GAB3: variants seen among roughly 807,000 people sequenced by gnomAD.
The protein encoded by GAB3 is GRB2-associated-binding protein 3.
A neutral mutation model predicts 40.4 loss-of-function variants in GAB3; 12 were observed. That is an observed-to-expected ratio of 0.30 (90% CI 0.19 to 0.48). The LOEUF is 0.48. GAB3 is among the 20% of genes least tolerant of loss of function. The pLI is 0.99. For synonymous variants in GAB3, 154 were observed against 176.7 expected (o/e 0.87, Z 1.02); for missense variants, 381 against 461.9 (o/e 0.82, Z 1.61).
rs1167193341 is a variant in GAB3, at chrX:154,751,056, G to A, written c.-31C>T. The A allele has an allele frequency of 1.0e-5, 8 of 781,819 alleles. No homozygotes were observed. The highest frequency in any genetic ancestry group is 1.2e-5 in the Non-Finnish European group (8 of 656,576). The allele number at this position is 781,819 out of a possible 1,213,427, so 64.4% of individuals were successfully genotyped here. The stretch of plus-strand genomic sequence containing the variant: ...CCGCCGCCGCCGCTTCCTCCAGCTG[G>A]GCCAGCCGCCCGCGGCAGAAGGAAG... On this transcript the variant is annotated 5_prime_UTR_variant, in exon 1 of 10. Coordinates refer to ENST00000424127, the MANE Select transcript of GAB3 (RefSeq NM_001081573.3).
intron 6 of GAB3, among the ~76,000 whole-genome samples, chrX:154,697,974 G>A (rs1224703975): frequency 2.7e-5 from 3 of 112,018 alleles, no homozygotes; most frequent in Non-Finnish European, 5.6e-5. Flanking sequence ...CTCCAACCCT[G>A]AGTCTGTCAG....
intron 1 of GAB3, among the ~76,000 whole-genome samples, chrX:154,742,149 G>T (rs1030297420): frequency 1.8e-5 from 2 of 111,884 alleles, no homozygotes; most frequent in African/African-American, 6.5e-5. Context: ...TAAATAACCC[G>T]CAGGTCACAG....
Position 154,723,607 on chromosome X carries a change from G to C in GAB3, c.73-7278C>G, listed in dbSNP as rs782644641. ...GGAAACATAAAATTGCAGGCTTGCT[G>C]GCTTCAAGTAGCTGCACTGGACTTC... On this transcript the variant is annotated intron_variant, in intron 1 of 9. Coordinates refer to ENST00000424127, the MANE Select transcript of GAB3 (RefSeq NM_001081573.3). Among the ~76,000 whole-genome samples, 21 of 111,704 alleles carry C rather than the reference G, an allele frequency of 1.9e-4. No homozygotes were observed. In the South Asian group the frequency reaches 3.0e-3, roughly 16 times the overall value.
chrX:154,685,881 A>T (rs1557247700), intron 8 of GAB3, among the ~76,000 whole-genome samples: 1 of 111,888 alleles, frequency 8.9e-6, no homozygotes, highest in Non-Finnish European at 1.9e-5. Flanking sequence ...ATGAGTCTTG[A>T]CCCCTATCTC....
intron 2 of GAB3, among the ~76,000 whole-genome samples, chrX:154,715,076 C>T (rs781802572): frequency 3.6e-5 from 4 of 112,387 alleles, no homozygotes; most frequent in Admixed American, 9.4e-5. Flanking sequence ...AGAAAGCACA[C>T]TCTTGTGCCT....
At chrX:154,708,483 G>A (rs1342855389) in intron 4 of GAB3, among the ~76,000 whole-genome samples, 1 of 112,039 alleles carries the variant, frequency 8.9e-6, no homozygotes, top group East Asian at 2.8e-4. Context: ...TCATATAAAA[G>A]GGGTTAACAG....
chrX:154,719,023 A>G (rs1270716160), intron 1 of GAB3, among the ~76,000 whole-genome samples: 2 of 111,803 alleles, frequency 1.8e-5, no homozygotes, highest in Non-Finnish European at 3.8e-5. Flanking sequence ...AGGGGATTAG[A>G]GCTGGTCCCT....
At chrX:154,733,662 C>T (rs781958284) in intron 1 of GAB3, among the ~76,000 whole-genome samples, 2 of 112,122 alleles carry the variant, frequency 1.8e-5, no homozygotes, top group South Asian at 3.6e-4. Context: ...CCCAACCCCA[C>T]GATCAGATTG....
Position 154,678,086 on chromosome X carries a change from GTGTT to G in GAB3, c.*88_*91del. 1 of 477,570 alleles carries G rather than the reference GTGTT, an allele frequency of 2.1e-6. No individual in the cohort carries two copies. The allele number at this position is 477,570 out of a possible 1,213,427, so 39.4% of individuals were successfully genotyped here. ...GTTTTGACCTGTGTTGACCATCAGT[GTGTT>G]TTTAGTGGACAAAAAAAAAAAAAAA... is the stretch of plus-strand genomic sequence containing the variant. On this transcript the variant is annotated 3_prime_UTR_variant, in exon 10 of 10. Coordinates refer to ENST00000424127, the MANE Select transcript of GAB3 (RefSeq NM_001081573.3).
intron 8 of GAB3, among the ~76,000 whole-genome samples, chrX:154,683,162 A>G (rs1461425485): frequency 1.8e-5 from 2 of 111,543 alleles, no homozygotes. Flanking sequence ...CTTTGTGTAC[A>G]TGGATGGTGT....
chrX:154,722,897 A>G (rs1397678766), intron 1 of GAB3, among the ~76,000 whole-genome samples: 1 of 110,351 alleles, frequency 9.1e-6, no homozygotes. Flanking sequence ...TTTTTTTTTG[A>G]CAGAGTTTTT....
chrX:154,750,828 C>T, intron 1 of GAB3, 126 bp downstream of exon 1: 2 of 307,983 alleles, frequency 6.5e-6, no homozygotes, highest in Non-Finnish European at 8.7e-6. Context: ...TCGGCCTCGC[C>T]CGCAGTCCCG....
At chrX:154,709,042 G>T (rs1157972172) in intron 4 of GAB3, among the ~76,000 whole-genome samples, 1 of 111,178 alleles carries the variant, frequency 9.0e-6, no homozygotes. Flanking sequence ...ATTGGATCAT[G>T]GGGGTGGTTT....
At chrX:154,679,482 C>A (rs1055480796) in intron 9 of GAB3, 11 of 196,347 alleles carry the variant, frequency 5.6e-5, no homozygotes, top group Admixed American at 1.4e-4. Context: ...GTTTTTGGAA[C>A]GATATTAAAA....
At chrX:154,722,885 TC>T (rs1290020744) in intron 1 of GAB3, among the ~76,000 whole-genome samples, 1 of 111,671 alleles carries the variant, frequency 9.0e-6, no homozygotes, top group African/African-American at 3.3e-5. Context: ...TTCTTTTCTT[TC>T]TTTTTTTTTG....
Position 154,700,103 on chromosome X carries a change from CA to C in GAB3, c.1070-45del, listed in dbSNP as rs1482531655. The C allele has an allele frequency of 3.8e-6, 4 of 1,048,613 alleles. No individual in the cohort carries two copies. In the African/African-American group the frequency reaches 5.6e-5, roughly 15 times the overall value. The allele number at this position is 1,048,613 out of a possible 1,213,427, so 86.4% of individuals were successfully genotyped here. A position where few individuals can be genotyped will look rare whatever the true frequency, so the allele number is the denominator to read the frequency against. ...GGTGGTGAGAAATGCAGAACAATATCAACTGAAACTAGAGTCCAGAGAGGCA... is the reference window on the plus strand; with the variant it reads ...GGTGGTGAGAAATGCAGAACAATATCACTGAAACTAGAGTCCAGAGAGGCA... On this transcript the variant is annotated intron_variant, in intron 4 of 9. Coordinates refer to ENST00000424127, the MANE Select transcript of GAB3 (RefSeq NM_001081573.3).
intron 1 of GAB3, among the ~76,000 whole-genome samples, chrX:154,723,632 C>G (rs2071169631): frequency 9.0e-6 from 1 of 111,669 alleles, no homozygotes; most frequent in Non-Finnish European, 1.9e-5. Context: ...CACTGGACTT[C>G]ACCTTCTCCC....
intron 1 of GAB3, among the ~76,000 whole-genome samples, chrX:154,720,558 C>T (rs942737486): frequency 1.8e-4 from 17 of 96,612 alleles, no homozygotes; most frequent in African/African-American, 6.6e-4. Flanking sequence ...CCCCGGGGGG[C>T]GGAGCCTGCA....
chrX:154,690,903 T>C (rs10068276), intron 8 of GAB3, among the ~76,000 whole-genome samples: 4,523 of 103,288 alleles, frequency 0.044, 542 homozygotes, highest in African/African-American at 0.18. Context: ...TTTGACCCAG[T>C]GATCCCATTA....
Sources: gnomAD v4.1 joint callset for allele counts (sites outside exome capture counted in the v4.1 genomes callset) on GRCh38, gnomAD v4.1.1 for gene constraint, MANE v1.5 for transcripts, NCBI Gene and HGNC (gene_info 2026-07-23, HGNC 2026-07-21) for gene names.